The following KIRREL3 variants were observed in gnomAD, a reference collection of about 807,000 sequenced individuals.
KIRREL3 encodes the protein kirre like nephrin family adhesion molecule 3.
In KIRREL3, 36 loss-of-function variants were observed where a neutral mutation model predicts 89.7. The ratio of observed to expected loss-of-function variants is 0.40; its 90% confidence interval spans 0.31 to 0.53. The LOEUF is 0.53. Among genes scored for constraint, KIRREL3 ranks in the 20% least tolerant of loss-of-function variants. The probability of loss-of-function intolerance (pLI) is 0.49; values close to 1 mark genes in which losing one functional copy is unlikely to be tolerated. For synonymous variants in KIRREL3, 445 were observed against 441.4 expected (o/e 1.01, Z -0.10); for missense variants, 864 against 1,056.6 (o/e 0.82, Z 2.53).
In KIRREL3 at chr11:126,456,057, T is replaced by TTTTTTTTTTTTTTTTTC. The variant is rs147218473; in HGVS notation, c.848+291_848+292insGAAAAAAAAAAAAAAAA. Among the ~76,000 whole-genome samples, 58 of 109,790 alleles carry TTTTTTTTTTTTTTTTTC rather than the reference T, an allele frequency of 5.3e-4. 4 individuals carry two copies. The highest frequency in any genetic ancestry group is 6.9e-4 in the Non-Finnish European group (39 of 56,620). The allele number at this position is 109,790 out of a possible 152,430, so 72.0% of individuals were successfully genotyped here. On this transcript the variant is annotated intron_variant, in intron 7 of 16. Transcript: ENST00000525144. ...TGTTTTCGTTTTTTTTTTTTTTTTT[T>TTTTTTTTTTTTTTTTTC]CCTGAGCCTTTTCCCCATGTTTGGA...
chr11:126,565,073 G>A lies in KIRREL3; in HGVS notation c.56-2161C>T, dbSNP rs1940418108. ...AGCCCAAACTCAATCCAGGAGCTTG[G>A]GAGGGAGGCAGGGGAGCACTGAGTA... On this transcript the variant is annotated intron_variant, in intron 1 of 16. Coordinates refer to ENST00000525144, the MANE Select transcript of KIRREL3 (RefSeq NM_032531.4). This position sits in a 1 kb window ranked among gnomAD's most constrained non-coding sequence, Gnocchi z 5.4. Among the ~76,000 whole-genome samples, 1 of 152,196 alleles carries A rather than the reference G, an allele frequency of 6.6e-6. No homozygotes were observed. The highest frequency in any genetic ancestry group is 2.4e-5 in the African/African-American group (1 of 41,446).
In KIRREL3 at chr11:126,527,233, G is replaced by GGTGCAGTATGGCAGGAGGT. The variant is rs1230970248; in HGVS notation, c.134-565_134-547dup. On this transcript the variant is annotated intron_variant, in intron 2 of 16. Coordinates refer to ENST00000525144, the MANE Select transcript of KIRREL3 (RefSeq NM_032531.4). This position sits in a 1 kb window ranked among gnomAD's most constrained non-coding sequence, Gnocchi z 4.2. Reference sequence around the variant, plus strand: ...GGCCAAGTTCAGAGGGGTGGGTGGTGGTGCAGTATGGCAGGAGGTGTGCTG... The same window carrying GGTGCAGTATGGCAGGAGGT: ...GGCCAAGTTCAGAGGGGTGGGTGGTGGTGCAGTATGGCAGGAGGTGTGCAGTATGGCAGGAGGTGTGCTG... 6.6e-6 allele frequency among the ~76,000 whole-genome samples: 1 copy of GGTGCAGTATGGCAGGAGGT among 152,092 alleles called. No individual in the cohort carries two copies. The highest frequency in any genetic ancestry group is 2.4e-5 in the African/African-American group (1 of 41,396).
At chr11:126,500,103 T>C (rs1197557481) in intron 4 of KIRREL3, among the ~76,000 whole-genome samples, 3 of 152,216 alleles carry the variant, frequency 2.0e-5, no homozygotes, top group African/African-American at 7.2e-5. Flanking sequence ...GAAGCCGACC[T>C]CTAGTTCCCC....
intron 1 of KIRREL3, among the ~76,000 whole-genome samples, chr11:126,932,758 T>C (rs1410740083): frequency 3.3e-5 from 5 of 152,186 alleles, no homozygotes; most frequent in Non-Finnish European, 5.9e-5. Context: ...TAGAAAAAAA[T>C]AAACTCAACC....
In KIRREL3 at chr11:126,568,103, C is replaced by G. The variant is rs1332132909; in HGVS notation, c.56-5191G>C. Among the ~76,000 whole-genome samples, 3 of 152,066 alleles carry G rather than the reference C, an allele frequency of 2.0e-5. No individual in the cohort carries two copies. The highest frequency in any genetic ancestry group is 7.2e-5 in the African/African-American group (3 of 41,442). ...ATTAATGGCAGGCAGTTTGGTGTGG[C>G]TGTAGCAGAAGAAAAAAGATGAGAC... On this transcript the variant is annotated intron_variant, in intron 1 of 16. Coordinates refer to ENST00000525144, the MANE Select transcript of KIRREL3 (RefSeq NM_032531.4). The surrounding 1 kb of genome is among the most constrained non-coding windows in gnomAD (Gnocchi z 4.6).
At chr11:126,949,154 G>T (rs997013412) in intron 1 of KIRREL3, among the ~76,000 whole-genome samples, 1 of 152,132 alleles carries the variant, frequency 6.6e-6, no homozygotes, top group Non-Finnish European at 1.5e-5. Context: ...ATATGAATTT[G>T]CTGGGTCTAC....
rs1389073794 is a variant in KIRREL3 at position 126,780,131 on chromosome 11, G to A, written c.56-217219C>T. Among the ~76,000 whole-genome samples, 2 of 152,138 alleles carry A rather than the reference G, an allele frequency of 1.3e-5. No individual in the cohort carries two copies. Among genetic ancestry groups the A allele is most frequent in the Non-Finnish European group, 1.5e-5 (1 of 68,024 alleles). On this transcript the variant is annotated intron_variant, in intron 1 of 16. Transcript: ENST00000525144. This position sits in a 1 kb window ranked among gnomAD's most constrained non-coding sequence, Gnocchi z 5.3. ...GGAGTAGGATAGGGGAGATGGACAT[G>A]GAAGCACAGGGGAGAGACAAGCGGG...
intron 1 of KIRREL3, among the ~76,000 whole-genome samples, chr11:126,853,056 G>A (rs894880792): frequency 2.6e-5 from 4 of 152,066 alleles, no homozygotes; most frequent in African/African-American, 9.7e-5. Context: ...TTTGTGTCGT[G>A]CAAGTTTTTT....
At chr11:126,662,912 T>C (rs1262617257) in intron 1 of KIRREL3, among the ~76,000 whole-genome samples, 1 of 146,652 alleles carries the variant, frequency 6.8e-6, no homozygotes, top group Non-Finnish European at 1.5e-5. Flanking sequence ...CTTTCTTTTT[T>C]TTTTTTTTTT....
intron 1 of KIRREL3, among the ~76,000 whole-genome samples, chr11:126,927,559 G>C (rs926633273): frequency 3.9e-5 from 6 of 152,104 alleles, no homozygotes; most frequent in African/African-American, 1.2e-4. Flanking sequence ...CTCTGCCTTT[G>C]GTCTACTTTT....
rs1336543154 is a variant in KIRREL3, at chr11:126,612,522, TATAAC to T, written c.56-49615_56-49611del. Among the ~76,000 whole-genome samples the T allele has an allele frequency of 2.0e-5, 3 of 152,248 alleles. No homozygotes were observed. Among genetic ancestry groups the T allele is most frequent in the African/African-American group, 7.2e-5 (3 of 41,466 alleles). Reference sequence around the variant, plus strand: ...TTCGTTAAAAAAGAGATGTTGTTCATATAACATAACATTTTCCCCTTTAAAATAGA... The same window carrying T: ...TTCGTTAAAAAAGAGATGTTGTTCATATAACATTTTCCCCTTTAAAATAGA... On this transcript the variant is annotated intron_variant, in intron 1 of 16. Coordinates refer to ENST00000525144, the MANE Select transcript of KIRREL3 (RefSeq NM_032531.4). The surrounding 1 kb of genome is among the most constrained non-coding windows in gnomAD (Gnocchi z 4.5).
chr11:126,891,541 T>G lies in KIRREL3; in HGVS notation c.55+108914A>C, dbSNP rs549676921. Among the ~76,000 whole-genome samples the G allele has an allele frequency of 1.8e-4, 28 of 152,324 alleles. 1 individual carries two copies. The South Asian group carries it at 4.1e-3, about 23-fold the overall frequency. ...CATGGATGGATTCCTTGGAAAGAGA[T>G]GCACAGGGTGCTCCGACTGTTAGTC... On this transcript the variant is annotated intron_variant, in intron 1 of 16. Coordinates refer to ENST00000525144, the MANE Select transcript of KIRREL3 (RefSeq NM_032531.4). The surrounding 1 kb of genome is among the most constrained non-coding windows in gnomAD (Gnocchi z 5.1).
At chr11:126,453,705 C>T (rs1022135534) in intron 7 of KIRREL3, among the ~76,000 whole-genome samples, 2 of 152,152 alleles carry the variant, frequency 1.3e-5, no homozygotes, top group African/African-American at 2.4e-5. Context: ...CCTTCCCAGG[C>T]CACTCTGGCT....
Position 126,522,322 on chromosome 11 carries a change from A to G in KIRREL3, c.284-858T>C, listed in dbSNP as rs548037720. Among the ~76,000 whole-genome samples the G allele has an allele frequency of 1.0e-3, 159 of 152,254 alleles. No homozygotes were observed. Among genetic ancestry groups the G allele is most frequent in the Middle Eastern group, 6.8e-3 (2 of 294 alleles). On this transcript the variant is annotated intron_variant, in intron 3 of 16. Coordinates refer to ENST00000525144, the MANE Select transcript of KIRREL3 (RefSeq NM_032531.4). The surrounding 1 kb of genome is among the most constrained non-coding windows in gnomAD (Gnocchi z 6.0). ...GGAAGGAAAAAGAGAAATGTTTGGA[A>G]AAGGATCAAGAGTGACTTTGCAAAA...
intron 1 of KIRREL3, among the ~76,000 whole-genome samples, chr11:126,810,873 T>C (rs1391750846): frequency 6.6e-6 from 1 of 152,174 alleles, no homozygotes; most frequent in African/African-American, 2.4e-5. Context: ...CCTGAGAATA[T>C]GATGGCTGTT....
At chr11:126,667,067 T>A (rs2135039964) in intron 1 of KIRREL3, among the ~76,000 whole-genome samples, 1 of 152,296 alleles carries the variant, frequency 6.6e-6, no homozygotes, top group South Asian at 2.1e-4. Flanking sequence ...GGGAGAGATA[T>A]CACTTTAAGC....
At chr11:126,935,581 T>C (rs1410072570) in intron 1 of KIRREL3, 2 of 152,188 alleles carry the variant, frequency 1.3e-5, no homozygotes, top group Non-Finnish European at 2.9e-5. Flanking sequence ...ATAAAAGGCA[T>C]AGAGGAAACT....
chr11:126,998,933 GTGT>G (rs1950246516), intron 1 of KIRREL3, among the ~76,000 whole-genome samples: 1 of 105,306 alleles, frequency 9.5e-6, no homozygotes, highest in Non-Finnish European at 2.0e-5. Flanking sequence ...GTGTGTGTGT[GTGT>G]GTGTGTGTGT....
At chr11:126,426,496 T>A (rs760320769) in intron 15 of KIRREL3, among the ~76,000 whole-genome samples, 1 of 152,204 alleles carries the variant, frequency 6.6e-6, no homozygotes, top group Non-Finnish European at 1.5e-5. Flanking sequence ...ACAATAGAGC[T>A]GCTTCAAATG....
Sources: allele counts gnomAD v4.1 joint callset (sites outside exome capture counted in the v4.1 genomes callset), GRCh38; gene constraint gnomAD v4.1.1; non-coding constraint Gnocchi (gnomAD v3.1); transcripts MANE v1.5; gene names NCBI Gene and HGNC (gene_info 2026-07-23, HGNC 2026-07-21).